DYNC2H1: variants seen among roughly 807,000 people sequenced by gnomAD.
DYNC2H1 encodes dynein cytoplasmic 2 heavy chain 1.
DYNC2H1 carries 410 observed loss-of-function variants against 570.0 expected under a neutral mutation model. The ratio of observed to expected loss-of-function variants is 0.72; its 90% CI spans 0.66 to 0.78. The LOEUF is 0.78. Among genes scored for constraint, DYNC2H1 ranks in the 30% least tolerant of loss-of-function variants. The pLI is 0.00. For missense variants in DYNC2H1, 4,865 were observed against 5,046.4 expected (o/e 0.96, Z 1.09); for synonymous variants, 1,688 against 1,677.6 (o/e 1.01, Z -0.15).
At chr11:103,332,623 T>C (rs1938877586) in intron 82 of DYNC2H1, among the ~76,000 whole-genome samples, 1 of 152,138 alleles carries the variant, frequency 6.6e-6, no homozygotes, top group East Asian at 1.9e-4. Context: ...CAGAAGATAA[T>C]GGAATCGTGG....
At chr11:103,377,638 C>T (rs1359553639) in intron 83 of DYNC2H1, among the ~76,000 whole-genome samples, 1 of 151,748 alleles carries the variant, frequency 6.6e-6, no homozygotes, top group Non-Finnish European at 1.5e-5. Context: ...ACATTTATTT[C>T]TAGTATGAAT....
chr11:103,222,121 C>A lies in DYNC2H1; in HGVS notation c.9199C>A (p.Leu3067Ile), dbSNP rs1396079596. 6.3e-7 allele frequency: 1 copy of A among 1,585,040 alleles called. No individual in the cohort carries two copies. Among genetic ancestry groups the A allele is most frequent in the African/African-American group, 1.4e-5 (1 of 73,616 alleles). The stretch of plus-strand genomic sequence containing the variant: ...AATAAGAGAGAGTGTTGAAGAACTT[C>A]TTTTTAAAAATAAAGGCTCTTTTGA... ...KEIRESVEEL[L>I]FKNKGSFDPK... Residue 3067 changes from leucine (L) to isoleucine (I), a missense_variant, in exon 58 of 89, where the codon CTT (leucine) becomes ATT (isoleucine). Coordinates refer to ENST00000375735, the MANE Select transcript of DYNC2H1 (RefSeq NM_001377.3).
At chr11:103,139,927 G>A (rs1323741137) in intron 17 of DYNC2H1, among the ~76,000 whole-genome samples, 4 of 152,090 alleles carry the variant, frequency 2.6e-5, no homozygotes, top group East Asian at 3.9e-4. Context: ...TATTTAGGAT[G>A]GTTAGCTCTT....
chr11:103,267,022 A>G (rs1004751603), intron 70 of DYNC2H1, among the ~76,000 whole-genome samples: 1 of 152,188 alleles, frequency 6.6e-6, no homozygotes, highest in African/African-American at 2.4e-5. Flanking sequence ...GCTCCACATC[A>G]GCTGGCTTGC....
At position 103,155,388 on chromosome 11, in the gene DYNC2H1, C is replaced by A. The variant is rs1423712924; in HGVS notation, c.3631C>A (p.Leu1211Ile). Residue 1211 changes from leucine (L) to isoleucine (I), a missense_variant, in exon 25 of 89, where the codon CTT becomes ATT. Coordinates refer to ENST00000375735, the MANE Select transcript of DYNC2H1 (RefSeq NM_001377.3). ...GGAGCATCTTTCTCCAGATCACTGGCTTGACCTTTTTCGTCTCCTTGGACT... is the reference window on the plus strand; with the variant it reads ...GGAGCATCTTTCTCCAGATCACTGGATTGACCTTTTTCGTCTCCTTGGACT... ...RGEHLSPDHW[L>I]DLFRLLGLPR... 1.9e-6 allele frequency: 3 copies of A among 1,611,454 alleles called. No homozygotes were observed. The highest frequency in any genetic ancestry group is 2.5e-6 in the Non-Finnish European group (3 of 1,178,908).
At chr11:103,366,369 G>A (rs974922261) in intron 83 of DYNC2H1, among the ~76,000 whole-genome samples, 7 of 151,996 alleles carry the variant, frequency 4.6e-5, no homozygotes, top group Non-Finnish European at 8.8e-5. Flanking sequence ...GCATTTTAAG[G>A]TAAAACACTA....
chr11:103,158,829 A>C lies in DYNC2H1; in HGVS notation c.4260+20A>C. ...TTGGAGGCATGTTTTTTAAGAAAAA[A>C]ATATATAATAAATTGTAAAGTACTT... is the stretch of plus-strand genomic sequence containing the variant. On this transcript the variant is annotated intron_variant, in intron 27 of 88. Transcript: ENST00000375735. 6.9e-7 allele frequency: 1 copy of C among 1,453,558 alleles called. No homozygotes were observed. Among genetic ancestry groups the C allele is most frequent in the Non-Finnish European group, 9.2e-7 (1 of 1,085,776 alleles). The allele number at this position is 1,453,558 out of a possible 1,614,324, so 90.0% of individuals were successfully genotyped here.
intron 69 of DYNC2H1, among the ~76,000 whole-genome samples, chr11:103,259,032 A>G (rs1865167744): frequency 1.3e-5 from 2 of 152,216 alleles, no homozygotes; most frequent in African/African-American, 4.8e-5. Flanking sequence ...GTTCCAGTTC[A>G]TAATGTTTTC....
In DYNC2H1 at chr11:103,419,593, C is replaced by T. The variant is rs534753929; in HGVS notation, c.12367-16350C>T. Among the ~76,000 whole-genome samples the T allele has an allele frequency of 2.7e-5, 4 of 150,118 alleles. No homozygotes were observed. In the East Asian group the frequency reaches 7.8e-4, roughly 29 times the overall value. The stretch of plus-strand genomic sequence containing the variant: ...AAAAAAAAAAAAACCACACAGAAAA[C>T]AATATTTAAAATAAAAGACCCTACA... On this transcript the variant is annotated intron_variant, in intron 84 of 88. Coordinates refer to ENST00000375735, the MANE Select transcript of DYNC2H1 (RefSeq NM_001377.3).
At chr11:103,247,694 C>A (rs1193459144) in intron 65 of DYNC2H1, among the ~76,000 whole-genome samples, 1 of 152,002 alleles carries the variant, frequency 6.6e-6, no homozygotes, top group South Asian at 2.1e-4. Flanking sequence ...TAGTTCCAAC[C>A]CATGAGTCTC....
chr11:103,307,754 C>A lies in DYNC2H1; in HGVS notation c.11416C>A (p.Arg3806Ser), dbSNP rs754753584. ...TACTCTTCAACCTAAAGATACCTTT[C>A]GTCTTTGGCTCACTGCAGAAGTTCA... is the stretch of plus-strand genomic sequence containing the variant. ...LNTLQPKDTF[R>S]LWLTAEVHPN... Residue 3806 changes from arginine (R) to serine (S), a missense_variant, in exon 78 of 89, where the codon CGT (arginine) becomes AGT (serine). By Grantham distance (110) the Arg-to-Ser change is moderately radical. This residue lies in a region of DYNC2H1 where 2,401 missense variants were observed against 2,454.6 expected (regional missense o/e 0.98). Coordinates refer to ENST00000375735, the MANE Select transcript of DYNC2H1 (RefSeq NM_001377.3). 6.2e-7 allele frequency: 1 copy of A among 1,603,964 alleles called. No homozygotes were observed. Among genetic ancestry groups the A allele is most frequent in the Admixed American group, 1.7e-5 (1 of 59,042 alleles).
intron 75 of DYNC2H1, among the ~76,000 whole-genome samples, chr11:103,292,019 C>A (rs1591533539): frequency 6.6e-6 from 1 of 152,058 alleles, no homozygotes; most frequent in East Asian, 1.9e-4. Flanking sequence ...CACTGTTTCT[C>A]TTTTACTTGG....
In DYNC2H1 at chr11:103,109,572, A is replaced by G. The variant is rs1266854182; in HGVS notation, c.-3A>G. The G allele has an allele frequency of 3.7e-6, 6 of 1,612,560 alleles. No individual in the cohort carries two copies. Among genetic ancestry groups the G allele is most frequent in the South Asian group, 1.1e-5 (1 of 90,888 alleles). ...CCCCAACTTCCCTCCACCCCTTCCAATCATGGCGAACGGGACTGCGGACGT... is the reference window on the plus strand; with the variant it reads ...CCCCAACTTCCCTCCACCCCTTCCAGTCATGGCGAACGGGACTGCGGACGT... On this transcript the variant is annotated 5_prime_UTR_variant, in exon 1 of 89. Coordinates refer to ENST00000375735, the MANE Select transcript of DYNC2H1 (RefSeq NM_001377.3).
rs1359240423 is a variant in DYNC2H1, at chr11:103,187,465, C to T, written c.7019C>T (p.Thr2340Ile). The change falls in exon 43 of 89, where the codon ACT (threonine) becomes ATT (isoleucine). Residue 2340 changes from threonine to isoleucine, a missense_variant. Thr to Ile is a moderately conservative substitution (Grantham distance 89). This residue lies in a region of DYNC2H1 where 2,401 missense variants were observed against 2,454.6 expected (regional missense o/e 0.98). Transcript: ENST00000375735. ...AGCCAGACTTGCATGGTAATCAGTA[C>T]TAATACTGGTCGTGTATACAGACCA... The part of the protein sequence containing the change: ...KLSQTCMVIS[T>I]NTGRVYRPKD... The T allele has an allele frequency of 6.2e-7, 1 of 1,613,282 alleles. No homozygotes were observed. The highest frequency in any genetic ancestry group is 1.1e-5 in the South Asian group (1 of 91,064).
At chr11:103,436,089 G>C in intron 85 of DYNC2H1, 57 bp downstream of exon 85, 1 of 1,476,754 alleles carries the variant, frequency 6.8e-7, no homozygotes, top group South Asian at 1.2e-5. Context: ...TTGTATTATA[G>C]AGATAACCAT....
intron 15 of DYNC2H1, among the ~76,000 whole-genome samples, chr11:103,135,209 A>G (rs959270440): frequency 1.3e-5 from 2 of 152,256 alleles, no homozygotes; most frequent in Middle Eastern, 3.4e-3. Flanking sequence ...GTGGTACTAC[A>G]TCATAAAATA....
Position 103,277,136 on chromosome 11 carries a change from T to G in DYNC2H1, c.10696-3212T>G, listed in dbSNP as rs1045197217. Among the ~76,000 whole-genome samples the G allele has an allele frequency of 6.6e-6, 1 of 152,072 alleles. No homozygotes were observed. The highest frequency in any genetic ancestry group is 1.5e-5 in the Non-Finnish European group (1 of 67,980). On this transcript the variant is annotated intron_variant, in intron 70 of 88. Coordinates refer to ENST00000375735, the MANE Select transcript of DYNC2H1 (RefSeq NM_001377.3). This position sits in a 1 kb window ranked among gnomAD's most constrained non-coding sequence, Gnocchi z 4.3. The stretch of plus-strand genomic sequence containing the variant: ...AAAGAAAAAAAAGTCTCCTTTTCAG[T>G]CTCTCCCCAACTTGTTACCCCCTTT...
intron 32 of DYNC2H1, among the ~76,000 whole-genome samples, 178 bp from the exon 33 acceptor site, chr11:103,169,930 T>G (rs1229912382): frequency 6.6e-6 from 1 of 152,230 alleles, no homozygotes; most frequent in African/African-American, 2.4e-5. Flanking sequence ...TAAGTTTGAT[T>G]TCAGCTTGTG....
chr11:103,178,993 TA>T, intron 38 of DYNC2H1, 32 bp from the exon 39 acceptor site: 2 of 1,570,862 alleles, frequency 1.3e-6, no homozygotes, highest in Non-Finnish European at 1.7e-6. Context: ...CATATATTTT[TA>T]TTTTGTCTCC....
Sources: gnomAD v4.1 joint callset for allele counts (sites outside exome capture counted in the v4.1 genomes callset) on GRCh38, gnomAD v4.1.1 for gene constraint, gnomAD v4.1.1 regional missense constraint, Gnocchi (gnomAD v3.1) non-coding constraint, MANE v1.5 for transcripts, NCBI Gene and HGNC (gene_info 2026-07-23, HGNC 2026-07-21) for gene names.